The following TMEM117 variants were observed in gnomAD, a reference collection of about 807,000 sequenced individuals.
TMEM117 encodes transmembrane protein 117.
A neutral mutation model predicts 52.4 loss-of-function variants in TMEM117; 27 were observed. The observed-to-expected ratio is 0.51, with a 90% CI of 0.38 to 0.71. TMEM117 has a LOEUF of 0.71. Ranked by LOEUF, TMEM117 falls within the 30% of genes least tolerant of loss-of-function variation. TMEM117 has a pLI of 0.00. For missense variants in TMEM117, 556 were observed against 630.5 expected (o/e 0.88, Z 1.26); for synonymous variants, 215 against 206.3 (o/e 1.04, Z -0.36).
chr12:44,029,611 C>A (rs892071176), intron 3 of TMEM117, among the ~76,000 whole-genome samples: 1 of 151,554 alleles, frequency 6.6e-6, no homozygotes, highest in Non-Finnish European at 1.5e-5. Context: ...CAATGCTCCT[C>A]TCTCTCTCTC....
the TMEM117 span, among the ~76,000 whole-genome samples, chr12:43,813,193 T>A: frequency 6.7e-6 from 1 of 149,630 alleles, no homozygotes; most frequent in Non-Finnish European, 1.5e-5. Flanking sequence ...TGATCCTAGG[T>A]GCTATTTCAT....
In TMEM117 at chr12:44,135,424, A is replaced by T. The variant is rs558532566; in HGVS notation, c.411-8101A>T. 2.6e-3 allele frequency among the ~76,000 whole-genome samples: 390 copies of T among 152,310 alleles called. 3 individuals are homozygous for T. Among genetic ancestry groups the T allele is most frequent in the African/African-American group, 8.9e-3 (370 of 41,576 alleles). Reference sequence around the variant, plus strand: ...TTGTTTAATGAATAAATGAATATAAATTAAGATAGGTGCTTATCCAATATA... The same window carrying T: ...TTGTTTAATGAATAAATGAATATAATTTAAGATAGGTGCTTATCCAATATA... On this transcript the variant is annotated intron_variant, in intron 3 of 7. Transcript: ENST00000266534.
intron 3 of TMEM117, among the ~76,000 whole-genome samples, chr12:44,089,996 A>C (rs146309897): frequency 7.2e-5 from 11 of 152,324 alleles, no homozygotes; most frequent in African/African-American, 2.4e-4. Context: ...AATACTTACC[A>C]CATAATGTCT....
At chr12:43,840,069 A>T (rs1380567747) in intron 1 of TMEM117, among the ~76,000 whole-genome samples, 1 of 151,986 alleles carries the variant, frequency 6.6e-6, no homozygotes, top group Non-Finnish European at 1.5e-5. Flanking sequence ...CACAAAATAG[A>T]AGTACTGTGA....
In TMEM117 at chr12:44,306,475, G is replaced by C. The variant is rs1181517409; in HGVS notation, c.768+6736G>C. ...CATAACAGAAGCTGAATAGAGGAGAGACTATTAAAAAAAGAAAGTTTCAAA... is the reference window on the plus strand; with the variant it reads ...CATAACAGAAGCTGAATAGAGGAGACACTATTAAAAAAAGAAAGTTTCAAA... On this transcript the variant is annotated intron_variant, in intron 6 of 7. Transcript: ENST00000266534. Among the ~76,000 whole-genome samples, 4 of 151,890 alleles carry C rather than the reference G, an allele frequency of 2.6e-5. 1 individual carries two copies. Among genetic ancestry groups the C allele is most frequent in the Non-Finnish European group, 5.9e-5 (4 of 67,980 alleles).
chr12:44,016,428 TCCCTGTGTCCCAC>T (rs1946374945), intron 3 of TMEM117, among the ~76,000 whole-genome samples: 1 of 152,224 alleles, frequency 6.6e-6, no homozygotes, highest in Non-Finnish European at 1.5e-5. Context: ...TCTCCCTTTC[TCCCTGTGTCCCAC>T]CTGCCCTAGG....
the TMEM117 span, among the ~76,000 whole-genome samples, chr12:44,397,551 G>A: frequency 4.6e-5 from 7 of 152,098 alleles, no homozygotes; most frequent in East Asian, 1.9e-4. Context: ...TCTAAAACTC[G>A]GACGAACTGT....
intron 2 of TMEM117, among the ~76,000 whole-genome samples, chr12:43,907,250 C>T (rs964945542): frequency 5.3e-5 from 8 of 152,052 alleles, no homozygotes; most frequent in African/African-American, 1.7e-4. Context: ...ACACCTCACA[C>T]GGCCGGGTAC....
intron 2 of TMEM117, among the ~76,000 whole-genome samples, chr12:43,888,427 G>C (rs566120116): frequency 6.6e-6 from 1 of 152,002 alleles, no homozygotes; most frequent in Non-Finnish European, 1.5e-5. Flanking sequence ...TCATCAGTGC[G>C]AATGAATTGC....
chr12:44,345,592 T>C (rs1280351211), intron 6 of TMEM117, among the ~76,000 whole-genome samples: 2 of 152,134 alleles, frequency 1.3e-5, no homozygotes, highest in Non-Finnish European at 2.9e-5. Context: ...CTGTTATTAC[T>C]ATAATCAGCA....
intron 3 of TMEM117, among the ~76,000 whole-genome samples, chr12:44,073,160 G>T (rs1238983703): frequency 6.6e-6 from 1 of 151,372 alleles, no homozygotes; most frequent in Non-Finnish European, 1.5e-5. Context: ...TTTAGCATTT[G>T]CTTCCCTATT....
chr12:44,263,165 C>T (rs888343621), intron 5 of TMEM117, among the ~76,000 whole-genome samples: 3 of 152,022 alleles, frequency 2.0e-5, no homozygotes, highest in African/African-American at 7.2e-5. Flanking sequence ...GAAATAAATT[C>T]TGTTGCTTTT....
intron 6 of TMEM117, among the ~76,000 whole-genome samples, chr12:44,360,773 G>A (rs1201965207): frequency 6.6e-6 from 1 of 152,090 alleles, no homozygotes; most frequent in African/African-American, 2.4e-5. Flanking sequence ...CTTAACCATG[G>A]ACTTGAGAAT....
chr12:44,116,089 A>G (rs1159015133), intron 3 of TMEM117, among the ~76,000 whole-genome samples: 1 of 152,228 alleles, frequency 6.6e-6, no homozygotes, highest in Non-Finnish European at 1.5e-5. Context: ...TTCTTGCTGA[A>G]GTCAATAATC....
intron 5 of TMEM117, among the ~76,000 whole-genome samples, chr12:44,270,333 A>T (rs1488171840): frequency 1.3e-5 from 2 of 152,072 alleles, no homozygotes; most frequent in African/African-American, 4.8e-5. Flanking sequence ...CCTTGGTTAG[A>T]TACATTCCTA....
intron 5 of TMEM117, among the ~76,000 whole-genome samples, chr12:44,270,700 A>G (rs1290159928): frequency 6.6e-6 from 1 of 152,082 alleles, no homozygotes; most frequent in African/African-American, 2.4e-5. Context: ...TCCAGTTCTC[A>G]AAGGGAATGC....
chr12:44,200,163 C>T (rs550657975), intron 4 of TMEM117, among the ~76,000 whole-genome samples: 3 of 151,998 alleles, frequency 2.0e-5, no homozygotes, highest in East Asian at 1.9e-4. Context: ...AAAATAGAAA[C>T]AAAAAAACCC....
intron 5 of TMEM117, among the ~76,000 whole-genome samples, chr12:44,238,107 T>G (rs561126596): frequency 6.6e-6 from 1 of 152,284 alleles, no homozygotes; most frequent in South Asian, 2.1e-4. Context: ...AATGATTAAA[T>G]TCTCACATCT....
intron 5 of TMEM117, among the ~76,000 whole-genome samples, chr12:44,222,902 A>C (rs1017361105): frequency 6.6e-6 from 1 of 152,196 alleles, no homozygotes; most frequent in Admixed American, 6.5e-5. Context: ...CCAGAATGCT[A>C]CATTCTCTAA....
Sources: gnomAD v4.1 joint callset for allele counts (sites outside exome capture counted in the v4.1 genomes callset) on GRCh38, gnomAD v4.1.1 for gene constraint, MANE v1.5 for transcripts, NCBI Gene and HGNC (gene_info 2026-07-23, HGNC 2026-07-21) for gene names.